The following CAST variants were observed in gnomAD, a reference collection of about 807,000 sequenced individuals.
CAST encodes the protein MIR583 host.
In CAST, 76 loss-of-function variants were observed where a neutral mutation model predicts 119.6. The observed-to-expected ratio is 0.64, with a 90% CI of 0.53 to 0.77. The LOEUF (loss-of-function observed/expected upper bound fraction) is 0.77, where lower values mean the gene tolerates loss of function less well. CAST is among the 30% of genes least tolerant of loss of function. The pLI is 0.00. For missense variants in CAST, 953 were observed against 946.5 expected, an observed-to-expected ratio of 1.01 and a Z score of -0.09; for synonymous variants, 319 against 331.6, an observed-to-expected ratio of 0.96 and a Z score of 0.41.
At chr5:96,749,747 A>G (rs1764567254) in intron 19 of CAST, among the ~76,000 whole-genome samples, 1 of 152,176 alleles carries the variant, frequency 6.6e-6, no homozygotes, top group Non-Finnish European at 1.5e-5. Context: ...GGGTTTGGCC[A>G]TGTTGCCCAG....
the CAST span, among the ~76,000 whole-genome samples, chr5:96,388,298 T>C: frequency 8.9e-3 from 1,358 of 152,394 alleles, 12 homozygotes; most frequent in Admixed American, 0.017. Flanking sequence ...TTAGTTAGAC[T>C]GTTCTCTCTC....
At chr5:96,132,937 G>T in the CAST span, among the ~76,000 whole-genome samples, 1 of 152,074 alleles carries the variant, frequency 6.6e-6, no homozygotes, top group African/African-American at 2.4e-5. Flanking sequence ...AGATACAAAG[G>T]AATCCACATG....
chr5:96,145,044 T>C, the CAST span, among the ~76,000 whole-genome samples: 1 of 152,230 alleles, frequency 6.6e-6, no homozygotes, highest in Non-Finnish European at 1.5e-5. Flanking sequence ...CATGTACTTA[T>C]ACTTTGAATA....
At chr5:96,662,324 C>A, upstream of CAST, 2 of 505,722 alleles carry the variant, frequency 4.0e-6, no homozygotes, top group Non-Finnish European at 5.9e-6. Context: ...CCCTCCGCTC[C>A]CTCCCTCCCT....
chr5:96,741,719 A>G (rs897353329), intron 15 of CAST, 139 bp downstream of exon 15: 8 of 619,232 alleles, frequency 1.3e-5, no homozygotes, highest in Admixed American at 2.9e-5. Context: ...AGTGAAGCCA[A>G]TGAGGGTTAT....
At chr5:96,224,970 C>A in the CAST span, among the ~76,000 whole-genome samples, 3 of 152,164 alleles carry the variant, frequency 2.0e-5, no homozygotes, top group African/African-American at 7.2e-5. Context: ...TCTAATTGTC[C>A]AGACCTAGGT....
intron 1 of CAST, among the ~76,000 whole-genome samples, chr5:96,624,898 A>T (rs1046874273): frequency 1.3e-5 from 2 of 152,194 alleles, no homozygotes; most frequent in Non-Finnish European, 2.9e-5. Flanking sequence ...AAATCAAGGC[A>T]TCATTTTGGT....
the CAST span, among the ~76,000 whole-genome samples, chr5:96,323,145 T>C: frequency 2.6e-5 from 4 of 152,214 alleles, no homozygotes; most frequent in African/African-American, 9.6e-5. Flanking sequence ...CTTCAGTCGA[T>C]GTTCAGGTAT....
chr5:96,342,420 G>T, the CAST span, among the ~76,000 whole-genome samples: 1 of 152,166 alleles, frequency 6.6e-6, no homozygotes, highest in East Asian at 1.9e-4. Flanking sequence ...AGCGGGGCTG[G>T]ATTGGGGCCT....
the CAST span, among the ~76,000 whole-genome samples, chr5:96,310,297 T>C: frequency 6.6e-6 from 1 of 152,216 alleles, no homozygotes; most frequent in Admixed American, 6.5e-5. Flanking sequence ...GATCATGGTG[T>C]GTGATCCTTT....
chr5:96,692,283 C>T (rs1054231210), intron 2 of CAST, among the ~76,000 whole-genome samples: 11 of 152,024 alleles, frequency 7.2e-5, no homozygotes, highest in Non-Finnish European at 1.3e-4. Context: ...CAAAACTAAG[C>T]ACAAGGTGAC....
chr5:96,458,824 A>C, the CAST span, among the ~76,000 whole-genome samples: 1 of 152,066 alleles, frequency 6.6e-6, no homozygotes, highest in Non-Finnish European at 1.5e-5. Flanking sequence ...AGGTTCCCCA[A>C]CTTTCGCACA....
At chr5:96,369,534 G>A in the CAST span, among the ~76,000 whole-genome samples, 102 of 152,230 alleles carry the variant, frequency 6.7e-4, no homozygotes, top group African/African-American at 2.4e-3. Context: ...ACGTGATCTG[G>A]CTGGTTGTTT....
At chr5:96,348,755 C>A in the CAST span, among the ~76,000 whole-genome samples, 2 of 152,082 alleles carry the variant, frequency 1.3e-5, no homozygotes, top group Non-Finnish European at 1.5e-5. Flanking sequence ...AGACTGTAAG[C>A]CTGGACTCAG....
At chr5:96,535,720 C>A (rs1275110222) in intron 1 of CAST, among the ~76,000 whole-genome samples, 2 of 151,776 alleles carry the variant, frequency 1.3e-5, no homozygotes, top group African/African-American at 4.8e-5. Context: ...ACTACAGGCG[C>A]CCGCCACCAA....
In CAST at chr5:96,556,237, A is replaced by G. The variant is rs183713041; in HGVS notation, c.60+26357A>G. 2.0e-5 allele frequency among the ~76,000 whole-genome samples: 3 copies of G among 152,358 alleles called. No homozygotes were observed. In the East Asian group the frequency reaches 5.8e-4, roughly 29 times the overall value. On this transcript the variant is annotated intron_variant, in intron 1 of 11. Transcript: ENST00000505143. ...ATCTGCATCATCAAAGACCAAAGGT[A>G]GATAAGACCACAAAGATGGGGAAAA...
intron 1 of CAST, among the ~76,000 whole-genome samples, chr5:96,530,790 T>G (rs1445447425): frequency 1.3e-5 from 2 of 152,104 alleles, no homozygotes; most frequent in Admixed American, 1.3e-4. Context: ...AATAGCAACT[T>G]TTTTTAAAAA....
At chr5:96,604,785 C>T (rs1023207436) in intron 1 of CAST, among the ~76,000 whole-genome samples, 5 of 152,190 alleles carry the variant, frequency 3.3e-5, no homozygotes, top group Non-Finnish European at 7.4e-5. Context: ...TTAGGTTCTG[C>T]TTTGTAGCAA....
At chr5:96,553,105 A>C (rs193175515) in intron 1 of CAST, among the ~76,000 whole-genome samples, 1 of 151,780 alleles carries the variant, frequency 6.6e-6, no homozygotes, top group East Asian at 1.9e-4. Context: ...GAGACACAAC[A>C]AAAAAAAGAG....
Sources: gnomAD v4.1 joint callset for allele counts (sites outside exome capture counted in the v4.1 genomes callset) on GRCh38, gnomAD v4.1.1 for gene constraint, MANE v1.5 for transcripts, NCBI Gene and HGNC (gene_info 2026-07-23, HGNC 2026-07-21) for gene names.